The following DNAJC11 variants were observed in gnomAD, a reference collection of about 807,000 sequenced individuals.
DNAJC11 encodes dnaJ homolog subfamily C member 11.
A neutral mutation model predicts 78.6 loss-of-function variants in DNAJC11; 15 were observed. The ratio of observed to expected loss-of-function variants is 0.19; its 90% CI spans 0.13 to 0.29. The LOEUF (loss-of-function observed/expected upper bound fraction) is 0.29, where lower values mean the gene tolerates loss of function less well. Among genes scored for constraint, DNAJC11 ranks in the 10% least tolerant of loss-of-function variants. The pLI is 1.00. For synonymous variants in DNAJC11, 292 were observed against 272.1 expected, an observed-to-expected ratio of 1.07 and a Z score of -0.72; for missense variants, 547 against 709.6, an observed-to-expected ratio of 0.77 and a Z score of 2.60.
chr1:6,646,181 C>T (rs996439042), intron 7 of DNAJC11, among the ~76,000 whole-genome samples: 1 of 152,130 alleles, frequency 6.6e-6, no homozygotes, highest in Non-Finnish European at 1.5e-5. Context: ...CTAGTAACCT[C>T]CCGACTCCCC....
chr1:6,677,709 A>G (rs936696197), intron 3 of DNAJC11, among the ~76,000 whole-genome samples: 16 of 152,352 alleles, frequency 1.1e-4, no homozygotes, highest in Admixed American at 9.1e-4. Flanking sequence ...TAGTAGCCCA[A>G]TGACTTGCCC....
At chr1:6,659,214 T>C (rs144411616) in intron 4 of DNAJC11, among the ~76,000 whole-genome samples, 6 of 152,328 alleles carry the variant, frequency 3.9e-5, no homozygotes, top group African/African-American at 1.2e-4. Context: ...CTATTTCACA[T>C]TGGGGAAATG....
chr1:6,640,307 A>T (rs1411492121), intron 10 of DNAJC11, among the ~76,000 whole-genome samples: 1 of 152,194 alleles, frequency 6.6e-6, no homozygotes. Context: ...AAGCAACAAG[A>T]GGAACACTTC....
At chr1:6,686,089 G>C (rs144931819) in intron 1 of DNAJC11, among the ~76,000 whole-genome samples, 3 of 152,222 alleles carry the variant, frequency 2.0e-5, no homozygotes, top group East Asian at 3.9e-4. Context: ...ATTTGTATTT[G>C]TGTCTTATTT....
intron 1 of DNAJC11, among the ~76,000 whole-genome samples, chr1:6,692,626 T>TTC (rs1642763392): frequency 6.6e-6 from 1 of 151,212 alleles, no homozygotes; most frequent in African/African-American, 2.4e-5. Flanking sequence ...TTTTTTTTTT[T>TTC]TGAGATGGAG....
intron 1 of DNAJC11, among the ~76,000 whole-genome samples, chr1:6,700,163 G>A (rs1160517853): frequency 2.0e-5 from 3 of 152,020 alleles, no homozygotes; most frequent in South Asian, 2.1e-4. Flanking sequence ...GTGATATTCC[G>A]CCCTTAAGAA....
intron 1 of DNAJC11, among the ~76,000 whole-genome samples, chr1:6,700,405 C>T (rs539460006): frequency 1.8e-4 from 27 of 152,320 alleles, no homozygotes; most frequent in African/African-American, 5.8e-4. Context: ...CACGGACGCG[C>T]GTGACACTCA....
At position 6,644,291 on chromosome 1, in the gene DNAJC11, G is replaced by A. The variant is rs148260814; in HGVS notation, c.1097+267C>T. Among the ~76,000 whole-genome samples the A allele has an allele frequency of 7.8e-3, 1,179 of 151,740 alleles. 7 individuals carry two copies. The highest frequency in any genetic ancestry group is 0.019 in the African/African-American group (772 of 41,362). ...TGGGATTATAGGCGTGTGCCACCACGTCTGGCTAATTTTTGTATTTTCAGT... is the reference window on the plus strand; with the variant it reads ...TGGGATTATAGGCGTGTGCCACCACATCTGGCTAATTTTTGTATTTTCAGT... On this transcript the variant is annotated intron_variant, in intron 10 of 15. Transcript: ENST00000377577.
chr1:6,635,716 C>G lies in DNAJC11; in HGVS notation c.1655-16G>C, dbSNP rs1371758884. On this transcript the variant is annotated splice_polypyrimidine_tract_variant and intron_variant, in intron 15 of 15. Transcript: ENST00000377577. ...ATCCTGTGGGCTGTAAAGGAAAAGA[C>G]AGACGCAGGTGATCAGAAGGTGGCC... The G allele has an allele frequency of 1.2e-6, 2 of 1,613,994 alleles. No individual in the cohort carries two copies. Among genetic ancestry groups the G allele is most frequent in the African/African-American group, 2.7e-5 (2 of 74,914 alleles).
rs41310361 is a variant in DNAJC11, at chr1:6,681,067, A to C, written c.73-30T>G. On this transcript the variant is annotated intron_variant, in intron 1 of 15. Transcript: ENST00000377577. The stretch of plus-strand genomic sequence containing the variant: ...AGAAAGAAAAATTCAATTAGAGAAC[A>C]ATCAATGCTACTTAAACATTATCAT... 4.3e-3 allele frequency: 6,866 copies of C among 1,586,368 alleles called. 16 individuals are homozygous for C. The highest frequency in any genetic ancestry group is 4.9e-3 in the Middle Eastern group (27 of 5,528).
At chr1:6,661,346 G>A (rs1642208906) in intron 4 of DNAJC11, among the ~76,000 whole-genome samples, 1 of 152,198 alleles carries the variant, frequency 6.6e-6, no homozygotes, top group African/African-American at 2.4e-5. Flanking sequence ...TATCTCAAAT[G>A]GAAGTCAGAG....
chr1:6,643,781 C>T (rs1449121882), intron 10 of DNAJC11, among the ~76,000 whole-genome samples: 1 of 152,136 alleles, frequency 6.6e-6, no homozygotes, highest in African/African-American at 2.4e-5. Context: ...TGACATCAGG[C>T]GAGGCTGCTG....
At chr1:6,642,770 G>A (rs922605781) in intron 10 of DNAJC11, among the ~76,000 whole-genome samples, 4 of 152,320 alleles carry the variant, frequency 2.6e-5, no homozygotes, top group South Asian at 2.1e-4. Context: ...GGGAGGGATC[G>A]AGTTCTGTTT....
At chr1:6,693,221 T>C (rs1348112622) in intron 1 of DNAJC11, among the ~76,000 whole-genome samples, 1 of 152,116 alleles carries the variant, frequency 6.6e-6, no homozygotes, top group Non-Finnish European at 1.5e-5. Flanking sequence ...ACCTCAGGAA[T>C]TTCATAAACT....
intron 12 of DNAJC11, chr1:6,637,951 T>C (rs183603293): frequency 1.6e-5 from 6 of 385,210 alleles, no homozygotes; most frequent in South Asian, 1.2e-4. Flanking sequence ...CAGACAGGCA[T>C]GTGCTCGCCA....
intron 10 of DNAJC11, 142 bp downstream of exon 10, chr1:6,644,416 A>C: frequency 1.4e-6 from 1 of 691,184 alleles, no homozygotes; most frequent in Non-Finnish European, 2.6e-6. Flanking sequence ...TTACAGGCAT[A>C]AGCCACTGCA....
chr1:6,694,263 T>C (rs1642797397), intron 1 of DNAJC11, among the ~76,000 whole-genome samples: 1 of 152,164 alleles, frequency 6.6e-6, no homozygotes, highest in Non-Finnish European at 1.5e-5. Flanking sequence ...ACATCTTCTA[T>C]GGGGCAAGTT....
Position 6,653,019 on chromosome 1 carries a change from A to G in DNAJC11, c.508-68T>C. On this transcript the variant is annotated intron_variant, in intron 5 of 15. Coordinates refer to ENST00000377577, the MANE Select transcript of DNAJC11 (RefSeq NM_018198.4). This position sits in a 1 kb window ranked among gnomAD's most constrained non-coding sequence, Gnocchi z 4.5. ...GGAAGTGCCAATGGCAGCAGCCTAAAGAACGCACTGTGAGCCCAAGGCCAA... is the reference window on the plus strand; with the variant it reads ...GGAAGTGCCAATGGCAGCAGCCTAAGGAACGCACTGTGAGCCCAAGGCCAA... The G allele has an allele frequency of 6.2e-7, 1 of 1,600,894 alleles. No homozygotes were observed.
chr1:6,635,016 C>T lies in DNAJC11; in HGVS notation c.*659G>A, dbSNP rs535208959. 29 of 471,624 alleles carry T rather than the reference C, an allele frequency of 6.1e-5. No individual in the cohort carries two copies. The highest frequency in any genetic ancestry group is 4.4e-4 in the African/African-American group (22 of 49,480). The allele number at this position is 471,624 out of a possible 1,614,324, so 29.2% of individuals were successfully genotyped here. ...CTGTGTCAGGGCTAGGCCCTGGGAT[C>T]GGGAGTTACACTACCCTGTCCCAAG... On this transcript the variant is annotated 3_prime_UTR_variant, in exon 16 of 16. Transcript: ENST00000377577.
Sources: allele counts gnomAD v4.1 joint callset (sites outside exome capture counted in the v4.1 genomes callset), GRCh38; gene constraint gnomAD v4.1.1; non-coding constraint Gnocchi (gnomAD v3.1); transcripts MANE v1.5; gene names NCBI Gene and HGNC (gene_info 2026-07-23, HGNC 2026-07-21).